The following SEC14L4 variants were observed in gnomAD, a reference collection of about 807,000 sequenced individuals.
The protein encoded by SEC14L4 is SEC14-like protein 4.
SEC14L4 carries 42 observed loss-of-function variants against 55.1 expected under a neutral mutation model. That is an observed-to-expected ratio of 0.76 (90% CI 0.60 to 0.99). SEC14L4 has a LOEUF of 0.99. SEC14L4 is among the 50% of genes least tolerant of loss of function. SEC14L4 has a pLI of 0.00. For synonymous variants in SEC14L4, 206 were observed against 206.8 expected, an observed-to-expected ratio of 1.00 and a Z score of 0.03; for missense variants, 445 against 512.1, an observed-to-expected ratio of 0.87 and a Z score of 1.27.
At chr22:30,504,739 G>A (rs1026412722) in intron 1 of SEC14L4, among the ~76,000 whole-genome samples, 1 of 152,176 alleles carries the variant, frequency 6.6e-6, no homozygotes, top group Non-Finnish European at 1.5e-5. Flanking sequence ...GTCTGAGAGA[G>A]AGGAGATCTC....
chr22:30,501,686 C>A (rs1936324524), intron 2 of SEC14L4, among the ~76,000 whole-genome samples: 1 of 151,790 alleles, frequency 6.6e-6, no homozygotes, highest in South Asian at 2.1e-4. Context: ...TTTATTAATT[C>A]TAACAAATGT....
chr22:30,505,685 C>G lies in SEC14L4; in HGVS notation c.-74G>C. On this transcript the variant is annotated 5_prime_UTR_variant, in exon 1 of 12. Transcript: ENST00000255858. ...CGCCGCCTGGCCTTGTATCCGCTGCCGCCTGGTTGTGCCTCCTGGGCCAGA... is the reference window on the plus strand; with the variant it reads ...CGCCGCCTGGCCTTGTATCCGCTGCGGCCTGGTTGTGCCTCCTGGGCCAGA... The G allele has an allele frequency of 1.4e-6, 2 of 1,417,192 alleles. No individual in the cohort carries two copies. Among genetic ancestry groups the G allele is most frequent in the South Asian group, 2.7e-5 (2 of 75,118 alleles). The allele number at this position is 1,417,192 out of a possible 1,614,324, so 87.8% of individuals were successfully genotyped here.
chr22:30,494,911 C>A lies in SEC14L4; in HGVS notation c.474G>T (p.Leu158=). The A allele has an allele frequency of 6.2e-7, 1 of 1,613,768 alleles. No individual in the cohort carries two copies. Among genetic ancestry groups the A allele is most frequent in the East Asian group, 2.2e-5 (1 of 44,838 alleles). Residue 158 remains leucine (L), a synonymous_variant, in exon 6 of 12, where the codon CTG becomes CTT. Transcript: ENST00000255858. ...MALMVFDMEG[L]SLKHLWKPAV... ...CTGGCTTCCACAGGTGTTTCAGGCT[C>A]AGCCCCTCCATGTCAAACACCATCA...
At chr22:30,494,247 C>T in intron 6 of SEC14L4, 37 bp from the exon 7 acceptor site, 1 of 1,533,862 alleles carries the variant, frequency 6.5e-7, no homozygotes, top group Non-Finnish European at 9.0e-7. Context: ...GGGCTCTGTT[C>T]CATCACCTCC....
chr22:30,494,861 CT>C lies in SEC14L4; in HGVS notation c.519+4del. The C allele has an allele frequency of 6.2e-7, 1 of 1,609,838 alleles. No individual in the cohort carries two copies. On this transcript the variant is annotated splice_donor_region_variant and intron_variant, in intron 6 of 11. Transcript: ENST00000255858. ...CACCAGCCCCAAGCCAGCCACCCAC[CT>C]TACCTGCTGGTAGACCTCCACAGCT... is the stretch of plus-strand genomic sequence containing the variant.
Position 30,494,972 on chromosome 22 carries a change from CAG to C in SEC14L4, c.424-13_424-12del. The C allele has an allele frequency of 6.2e-7, 1 of 1,611,542 alleles. No individual in the cohort carries two copies. The highest frequency in any genetic ancestry group is 8.5e-7 in the Non-Finnish European group (1 of 1,178,722). On this transcript the variant is annotated splice_polypyrimidine_tract_variant and intron_variant, in intron 5 of 11. Coordinates refer to ENST00000255858, the MANE Select transcript of SEC14L4 (RefSeq NM_174977.4). ...GATCTTCCTGCCCAGCTGCTTGGGA[CAG>C]AGTCATATAGGTCAGACGACAGCTC...
chr22:30,492,017 C>T (rs551811354), intron 9 of SEC14L4, 32 bp downstream of exon 9: 3 of 1,613,734 alleles, frequency 1.9e-6, no homozygotes, highest in South Asian at 2.2e-5. Flanking sequence ...ACAGCTTCTC[C>T]CCTCCTTCCC....
At chr22:30,502,800 C>T (rs1936370700) in intron 2 of SEC14L4, among the ~76,000 whole-genome samples, 1 of 152,216 alleles carries the variant, frequency 6.6e-6, no homozygotes, top group Admixed American at 6.5e-5. Flanking sequence ...ATCTGCCTGC[C>T]TCAGCCTCCC....
At chr22:30,504,046 TATA>T (rs1201294032) in intron 1 of SEC14L4, among the ~76,000 whole-genome samples, 2 of 64,954 alleles carry the variant, frequency 3.1e-5, no homozygotes, top group African/African-American at 7.9e-5. Flanking sequence ...TTATTATTTT[TATA>T]TTATTATTAT....
At chr22:30,497,554 T>A (rs1601851016) in intron 2 of SEC14L4, among the ~76,000 whole-genome samples, 1 of 149,636 alleles carries the variant, frequency 6.7e-6, no homozygotes, top group Middle Eastern at 3.2e-3. Context: ...GAACCCCCAA[T>A]GCAACAGCTC....
At chr22:30,497,288 G>A (rs1005063562) in intron 2 of SEC14L4, among the ~76,000 whole-genome samples, 19 of 152,028 alleles carry the variant, frequency 1.2e-4, no homozygotes, top group African/African-American at 4.3e-4. Context: ...GCAGTGAGCC[G>A]AGATCGCATC....
chr22:30,496,815 T>C lies in SEC14L4; in HGVS notation c.131-844A>G, dbSNP rs187737949. ...TACCTGGCTCACAGTAGGTTCTCAATAAACAGTAGCTATCATGATTACCTA... is the reference window on the plus strand; with the variant it reads ...TACCTGGCTCACAGTAGGTTCTCAACAAACAGTAGCTATCATGATTACCTA... On this transcript the variant is annotated intron_variant, in intron 2 of 11. Transcript: ENST00000255858. Among the ~76,000 whole-genome samples the C allele has an allele frequency of 8.5e-5, 13 of 152,344 alleles. No homozygotes were observed. The East Asian group carries it at 2.5e-3, about 29-fold the overall frequency.
chr22:30,494,357 ATTC>A, intron 6 of SEC14L4, 147 bp from the exon 7 acceptor site: 2 of 671,010 alleles, frequency 3.0e-6, no homozygotes, highest in South Asian at 1.8e-5. Flanking sequence ...CCTCTCTGTT[ATTC>A]TTTTTTTGTT....
intron 2 of SEC14L4, among the ~76,000 whole-genome samples, chr22:30,501,232 G>A (rs565690703): frequency 2.6e-5 from 4 of 151,994 alleles, no homozygotes; most frequent in East Asian, 1.9e-4. Flanking sequence ...AGTGGACGAC[G>A]GGGCCATGCC....
In SEC14L4 at chr22:30,489,119, T is replaced by C. The variant is rs1447222367; in HGVS notation, c.*988A>G. 1 of 152,634 alleles carries C rather than the reference T, an allele frequency of 6.6e-6. No individual in the cohort carries two copies. Among genetic ancestry groups the C allele is most frequent in the East Asian group, 1.9e-4 (1 of 5,182 alleles). The allele number at this position is 152,634 out of a possible 1,614,324, so 9.5% of individuals were successfully genotyped here. On this transcript the variant is annotated 3_prime_UTR_variant, in exon 12 of 12. Coordinates refer to ENST00000255858, the MANE Select transcript of SEC14L4 (RefSeq NM_174977.4). Reference sequence around the variant, plus strand: ...GTGTGGAGGGGAGGTCACTGGGAATTCCCTGGAGACTCAGTCGTTACCCAC... The same window carrying C: ...GTGTGGAGGGGAGGTCACTGGGAATCCCCTGGAGACTCAGTCGTTACCCAC...
chr22:30,505,431 G>A (rs1936458164), intron 1 of SEC14L4, 127 bp downstream of exon 1: 1 of 980,980 alleles, frequency 1.0e-6, no homozygotes, highest in African/African-American at 1.6e-5. Flanking sequence ...TGGACCAGAG[G>A]GCAGAACAGA....
chr22:30,492,972 T>C (rs8137718), intron 7 of SEC14L4, among the ~76,000 whole-genome samples: 28,652 of 150,630 alleles, frequency 0.19, 2,982 homozygotes, highest in Admixed American at 0.26. Flanking sequence ...TAATCCCGGC[T>C]ACTCGGGTGG....
intron 11 of SEC14L4, 48 bp from the exon 12 acceptor site, chr22:30,490,294 C>A: frequency 6.2e-7 from 1 of 1,604,628 alleles, no homozygotes; most frequent in South Asian, 1.1e-5. Context: ...CGCACATCTG[C>A]AGGAAGAGCC....
intron 8 of SEC14L4, 122 bp from the exon 9 acceptor site, chr22:30,492,277 T>C: frequency 1.5e-6 from 2 of 1,309,512 alleles, no homozygotes; most frequent in Non-Finnish European, 2.2e-6. Flanking sequence ...CACCTACTCC[T>C]AAGAGTACCC....
Sources: gnomAD v4.1 joint callset for allele counts (sites outside exome capture counted in the v4.1 genomes callset) on GRCh38, gnomAD v4.1.1 for gene constraint, MANE v1.5 for transcripts, NCBI Gene and HGNC (gene_info 2026-07-23, HGNC 2026-07-21) for gene names.